Variants in INF2 observed in about 807,000 individuals in gnomAD.
INF2 encodes the protein inverted formin-2.
In INF2, 43 loss-of-function variants were observed where a neutral mutation model predicts 123.5. The observed-to-expected ratio is 0.35, with a 90% CI of 0.27 to 0.45. The LOEUF (loss-of-function observed/expected upper bound fraction) is 0.45, where lower values mean the gene tolerates loss of function less well. Among genes scored for constraint, INF2 ranks in the 20% least tolerant of loss-of-function variants. The pLI is 1.00. For synonymous variants in INF2, 851 were observed against 745.0 expected, an observed-to-expected ratio of 1.14 and a Z score of -2.32; for missense variants, 1,453 against 1,682.7, an observed-to-expected ratio of 0.86 and a Z score of 2.39.
At chr14:104,709,443 G>C in intron 11 of INF2, 60 bp downstream of exon 11, 1 of 1,417,256 alleles carries the variant, frequency 7.1e-7, no homozygotes, top group Non-Finnish European at 1.0e-6. Flanking sequence ...GGGAGAGGCT[G>C]TCCCGGGGGC....
intron 1 of INF2, chr14:104,691,189 C>T (rs1323625911): frequency 1.3e-5 from 2 of 152,274 alleles, no homozygotes; most frequent in African/African-American, 2.4e-5. Context: ...TGACACACAC[C>T]GCACATGTGG....
At chr14:104,703,555 GC>G in intron 4 of INF2, 101 bp downstream of exon 4, 2 of 1,489,340 alleles carry the variant, frequency 1.3e-6, no homozygotes, top group South Asian at 1.1e-5. Flanking sequence ...CACAAAAGCT[GC>G]CCCCGACCCA....
At chr14:104,688,504 G>A (rs1398119214), upstream of INF2, among the ~76,000 whole-genome samples, 1 of 152,256 alleles carries the variant, frequency 6.6e-6, no homozygotes, top group East Asian at 1.9e-4. Flanking sequence ...GCCCTCCGGA[G>A]AGAGATGTCA....
exon 1 of INF2, chr14:104,681,258 T>G: frequency 1.4e-5 from 5 of 356,978 alleles, no homozygotes; most frequent in East Asian, 1.5e-4. Context: ...CGCCCCACTG[T>G]AATAGGGGCC....
chr14:104,692,407 G>A (rs754881352), intron 1 of INF2, among the ~76,000 whole-genome samples: 5 of 152,200 alleles, frequency 3.3e-5, no homozygotes. Flanking sequence ...TGCCAGGCAG[G>A]TGCAGGGCAC....
chr14:104,710,043 AGGT>A (rs1423120001), intron 12 of INF2, 42 bp from the exon 13 acceptor site: 1 of 1,450,630 alleles, frequency 6.9e-7, no homozygotes, highest in Non-Finnish European at 9.4e-7. Context: ...TGGCAGGGAC[AGGT>A]GGGGGGTGCA....
At position 104,711,102 on chromosome 14, in the gene INF2, C is replaced by T. The variant is rs1215409497; in HGVS notation, c.2334C>T (p.Asp778=). The T allele has an allele frequency of 2.8e-5, 44 of 1,590,778 alleles. No individual in the cohort carries two copies. Among genetic ancestry groups the T allele is most frequent in the South Asian group, 4.5e-5 (4 of 88,108 alleles). The part of the protein sequence containing the change: ...LNYGSHTGDA[D]GFKISTLLKL... ...AGGGCAGCCACACCGGTGACGCCGA[C>T]GGCTTCAAGATCAGCACATTGCTGA... The change falls in exon 15 of 23, where the codon GAC becomes GAT. Residue 778 remains aspartate, a synonymous_variant. Transcript: ENST00000392634.
chr14:104,708,868 C>T (rs1595172945), intron 10 of INF2, 136 bp downstream of exon 10: 9 of 971,094 alleles, frequency 9.3e-6, no homozygotes, highest in East Asian at 7.2e-5. Flanking sequence ...GGATTGTAGG[C>T]GGGTAATAGC....
rs1019366578 is a variant in INF2 at position 104,699,197 on chromosome 14, C to T, written c.-9-2160C>T. Among the ~76,000 whole-genome samples, 1 of 152,044 alleles carries T rather than the reference C, an allele frequency of 6.6e-6. No individual in the cohort carries two copies. Among genetic ancestry groups the T allele is most frequent in the South Asian group, 2.1e-4 (1 of 4,808 alleles). On this transcript the variant is annotated intron_variant, in intron 1 of 22. Transcript: ENST00000392634. The surrounding 1 kb of genome is among the most constrained non-coding windows in gnomAD (Gnocchi z 4.7). ...GGTCAGGATTTTTTGCATGGAGGGACCCCCGGGGCTCTTGGCTGGAGAGGA... is the reference window on the plus strand; with the variant it reads ...GGTCAGGATTTTTTGCATGGAGGGATCCCCGGGGCTCTTGGCTGGAGAGGA...
intron 13 of INF2, chr14:104,710,714 T>C: frequency 1.7e-6 from 1 of 586,280 alleles, no homozygotes; most frequent in Non-Finnish European, 3.1e-6. Flanking sequence ...TACGGACCAG[T>C]GAGGCACAGC....
At chr14:104,689,836 C>A in intron 1 of INF2, 97 bp downstream of exon 1, 1 of 754,234 alleles carries the variant, frequency 1.3e-6, no homozygotes, top group Non-Finnish European at 1.6e-6. Context: ...AGGTTCCGGG[C>A]TGCGGCGTGT....
intron 1 of INF2, among the ~76,000 whole-genome samples, chr14:104,698,806 G>C (rs113756269): frequency 0.024 from 3,710 of 152,262 alleles, 53 homozygotes; most frequent in Non-Finnish European, 0.039. Flanking sequence ...CTCAGCCTCC[G>C]GGGCCTCAGC....
chr14:104,692,469 C>T (rs1015014668), intron 1 of INF2, among the ~76,000 whole-genome samples: 3 of 151,874 alleles, frequency 2.0e-5, no homozygotes, highest in Non-Finnish European at 4.4e-5. Flanking sequence ...AGCTGGAGGC[C>T]GAGGCCCCCC....
At chr14:104,682,867 T>A (rs989927027) in intron 1 of INF2, among the ~76,000 whole-genome samples, 1 of 152,020 alleles carries the variant, frequency 6.6e-6, no homozygotes, top group African/African-American at 2.4e-5. Context: ...AACCCTAGGA[T>A]TATCACGTCT....
upstream of INF2, chr14:104,689,278 A>G: frequency 1.0e-6 from 1 of 984,372 alleles, no homozygotes; most frequent in Non-Finnish European, 1.2e-6. Context: ...GTCCCACCGG[A>G]GGATAGGGGT....
chr14:104,707,217 C>T (rs1356814958), intron 7 of INF2, 36 bp from the exon 8 acceptor site: 5 of 1,583,336 alleles, frequency 3.2e-6, no homozygotes, highest in Non-Finnish European at 4.3e-6. Flanking sequence ...CTCTCCGGCT[C>T]CCTTCTCCCT....
chr14:104,713,180 G>A (rs1292722508), intron 18 of INF2, 27 bp from the exon 19 acceptor site: 3 of 1,566,008 alleles, frequency 1.9e-6, no homozygotes, highest in African/African-American at 1.4e-5. Context: ...CCACGCTGGG[G>A]TGACGGGGCC....
chr14:104,703,772 C>T, intron 4 of INF2, 144 bp from the exon 5 acceptor site: 1 of 1,222,468 alleles, frequency 8.2e-7, no homozygotes, highest in Non-Finnish European at 1.2e-6. Flanking sequence ...GTGTGTCCAG[C>T]ATGATGTCTC....
Position 104,706,021 on chromosome 14 carries a change from C to G in INF2, c.702-14C>G. 1.2e-6 allele frequency: 2 copies of G among 1,606,812 alleles called. No individual in the cohort carries two copies. Among genetic ancestry groups the G allele is most frequent in the Non-Finnish European group, 1.7e-6 (2 of 1,175,954 alleles). ...GCAGCAGCAGGCTTAGCCCACCTGG[C>G]CCCTCCTGCACAGAGACCTGGAGGA... On this transcript the variant is annotated splice_polypyrimidine_tract_variant and intron_variant, in intron 5 of 22. Transcript: ENST00000392634.
Sources: allele counts gnomAD v4.1 joint callset (sites outside exome capture counted in the v4.1 genomes callset), GRCh38; gene constraint gnomAD v4.1.1; non-coding constraint Gnocchi (gnomAD v3.1); transcripts MANE v1.5; gene names NCBI Gene and HGNC (gene_info 2026-07-23, HGNC 2026-07-21).